Variants in OGDHL observed in about 807,000 individuals in gnomAD.
OGDHL encodes oxoglutarate dehydrogenase L, also known as 2-oxoglutarate dehydrogenase-like, mitochondrial.
A neutral mutation model predicts 109.6 loss-of-function variants in OGDHL; 79 were observed. That is an observed-to-expected ratio of 0.72 (90% CI 0.60 to 0.87). OGDHL has a LOEUF of 0.87. Ranked by LOEUF, OGDHL falls within the 40% of genes least tolerant of loss-of-function variation. OGDHL has a pLI of 0.00. For missense variants in OGDHL, 1,275 were observed against 1,362.2 expected, an observed-to-expected ratio of 0.94 and a Z score of 1.01; for synonymous variants, 528 against 537.2, an observed-to-expected ratio of 0.98 and a Z score of 0.24.
rs1564528286 is a variant in OGDHL, at chr10:49,740,793, G to GT, written c.2056dup (p.Thr686AsnfsTer11). The GT allele has an allele frequency of 6.2e-7, 1 of 1,613,932 alleles. No individual in the cohort carries two copies. Among genetic ancestry groups the GT allele is most frequent in the Non-Finnish European group, 8.5e-7 (1 of 1,179,848 alleles). ...CCAGAGATGATTCATAGGCACACAC[G>GT]TCCTGCGGTCAACCTCCTGGTCATG... On this transcript the variant is annotated frameshift_variant, in exon 16 of 23. Transcript: ENST00000374103. LOFTEE classifies it high-confidence loss of function.
rs1255963418 is a variant in OGDHL at position 49,752,727 on chromosome 10, T to A, written c.389A>T (p.His130Leu). The change falls in exon 4 of 23, where the codon CAT becomes CTT. Residue 130 changes from histidine to leucine, a missense_variant. Coordinates refer to ENST00000374103, the MANE Select transcript of OGDHL (RefSeq NM_018245.3). ...GCCCAGGGGGTCCAGCTGGGCCACA[T>A]GGTGACCCCGGATCTGGGAGGAGGG... ...LIRAYQIRGH[H>L]VAQLDPLGIL... The A allele has an allele frequency of 6.8e-6, 11 of 1,613,796 alleles. No individual in the cohort carries two copies. The highest frequency in any genetic ancestry group is 9.3e-6 in the Non-Finnish European group (11 of 1,179,736).
At chr10:49,748,481 G>A (rs993805287) in intron 8 of OGDHL, among the ~76,000 whole-genome samples, 2 of 152,114 alleles carry the variant, frequency 1.3e-5, no homozygotes, top group African/African-American at 2.4e-5. Flanking sequence ...CATTGTATAA[G>A]CTTTGTTCTG....
chr10:49,749,876 C>T (rs540667261), intron 7 of OGDHL, 60 bp from the exon 8 acceptor site: 6 of 1,460,934 alleles, frequency 4.1e-6, no homozygotes, highest in East Asian at 4.9e-5. Flanking sequence ...GGGTTCCCTC[C>T]CCCACTGTGG....
At position 49,745,943 on chromosome 10, in the gene OGDHL, G is replaced by A; in HGVS notation, c.1331C>T (p.Ser444Phe). The A allele has an allele frequency of 6.2e-7, 1 of 1,614,218 alleles. No individual in the cohort carries two copies. Among genetic ancestry groups the A allele is most frequent in the Non-Finnish European group, 8.5e-7 (1 of 1,180,044 alleles). ...GFTTDPRMAR[S>F]SPYPTDVARV... ...GGCCACGTCGGTCGGGTATGGTGAGGAGCGGGCCATTCGGGGGTCTGTGGT... is the reference window on the plus strand; with the variant it reads ...GGCCACGTCGGTCGGGTATGGTGAGAAGCGGGCCATTCGGGGGTCTGTGGT... Residue 444 changes from serine to phenylalanine, a missense_variant, in exon 11 of 23, where the codon TCC becomes TTC. By Grantham distance (155) the Ser-to-Phe change is radical. Coordinates refer to ENST00000374103, the MANE Select transcript of OGDHL (RefSeq NM_018245.3).
intron 8 of OGDHL, among the ~76,000 whole-genome samples, chr10:49,748,742 CCACACACACACACACA>C (rs3223401): frequency 2.6e-4 from 35 of 133,950 alleles, no homozygotes; most frequent in African/African-American, 8.0e-4. Flanking sequence ...AGGTATGGGT[CCACACACACACACACA>C]CACACACACA....
chr10:49,750,734 C>T (rs1002670926), intron 7 of OGDHL, 105 bp downstream of exon 7: 1 of 1,408,798 alleles, frequency 7.1e-7, no homozygotes, highest in East Asian at 2.6e-5. Flanking sequence ...ACCTCTACCC[C>T]CAGGTCCCAC....
At chr10:49,746,015 T>C (rs772302842) in intron 10 of OGDHL, 38 bp from the exon 11 acceptor site, 2 of 1,605,332 alleles carry the variant, frequency 1.2e-6, no homozygotes, top group South Asian at 2.2e-5. Context: ...CCTCTCAATT[T>C]ACTTAGAGTG....
rs571843299 is a variant in OGDHL, at chr10:49,758,667, C to T, written c.-1-74G>A. ...GAAGAGGCTCTACCAAGCCACTGTC[C>T]GCTCATCAGCACTTGTCATTCCCAC... On this transcript the variant is annotated intron_variant, in intron 1 of 22. Transcript: ENST00000374103. 4.4e-5 allele frequency: 64 copies of T among 1,441,076 alleles called. No homozygotes were observed. The East Asian group carries it at 1.3e-3, about 29-fold the overall frequency. 89.3% of individuals were successfully genotyped at this position (1,441,076 alleles called of 1,614,324 possible). A position where few individuals can be genotyped will look rare whatever the true frequency, so the allele number is the denominator to read the frequency against.
At chr10:49,758,220 T>C (rs917244474) in intron 2 of OGDHL, among the ~76,000 whole-genome samples, 169 bp downstream of exon 2, 1 of 152,194 alleles carries the variant, frequency 6.6e-6, no homozygotes, top group Non-Finnish European at 1.5e-5. Context: ...CACTGGCTGA[T>C]TCAGCAAAGG....
At chr10:49,742,094 A>AC (rs1409414068) in intron 15 of OGDHL, among the ~76,000 whole-genome samples, 2 of 53,824 alleles carry the variant, frequency 3.7e-5, no homozygotes, top group Non-Finnish European at 7.6e-5. Flanking sequence ...ATACCACACA[A>AC]ACACCCTCAC....
intron 2 of OGDHL, 77 bp from the exon 3 acceptor site, chr10:49,757,023 A>G (rs2133098312): frequency 1.4e-6 from 2 of 1,459,936 alleles, no homozygotes; most frequent in South Asian, 1.3e-5. Flanking sequence ...TGGGGCCCCA[A>G]GGAGTGTCAG....
At chr10:49,738,148 C>T in intron 18 of OGDHL, 43 bp downstream of exon 18, 1 of 1,614,122 alleles carries the variant, frequency 6.2e-7, no homozygotes, top group African/African-American at 1.3e-5. Context: ...CCTGTGGGCA[C>T]AATAGGGCGC....
At chr10:49,748,742 CCACACACACACACACACACACACA>C (rs3223401) in intron 8 of OGDHL, among the ~76,000 whole-genome samples, 1 of 133,884 alleles carries the variant, frequency 7.5e-6, no homozygotes, top group Admixed American at 7.6e-5. Context: ...AGGTATGGGT[CCACACACACACACACACACACACA>C]CACACACACA....
In OGDHL at chr10:49,747,185, G is replaced by A; in HGVS notation, c.1011C>T (p.His337=). The change falls in exon 9 of 23, where the codon CAC becomes CAT. Residue 337 remains histidine (H), a synonymous_variant. Coordinates refer to ENST00000374103, the MANE Select transcript of OGDHL (RefSeq NM_018245.3). ...ADEGSGDVKY[H]LGMYHERINR... is the part of the protein sequence containing the mutation. ...TGATCCTCTCATGGTACATGCCCAGGTGGTACTTGACATCCCCGGAGCCCT... is the reference window on the plus strand; with the variant it reads ...TGATCCTCTCATGGTACATGCCCAGATGGTACTTGACATCCCCGGAGCCCT... 1.2e-6 allele frequency: 2 copies of A among 1,614,158 alleles called. No individual in the cohort carries two copies. Among genetic ancestry groups the A allele is most frequent in the Middle Eastern group, 1.6e-4 (1 of 6,062 alleles).
In OGDHL at chr10:49,745,414, T is replaced by C. The variant is rs1377023806; in HGVS notation, c.1559A>G (p.Gln520Arg). Residue 520 changes from glutamine (Q) to arginine (R), a missense_variant, in exon 12 of 23, where the codon CAG (glutamine) becomes CGG (arginine). Physicochemically the swap from Gln to Arg is conservative, Grantham distance 43 (BLOSUM62 1). Coordinates refer to ENST00000374103, the MANE Select transcript of OGDHL (RefSeq NM_018245.3). ...QPLMYKQIHR[Q>R]VPVLKKYADK... ...TGCGTACTTCTTCAGCACAGGCACC[T>C]GTCTGTGGATCTGCTTGTACATGAG... The C allele has an allele frequency of 2.5e-6, 4 of 1,614,180 alleles. No homozygotes were observed. The East Asian group carries it at 6.7e-5, about 27-fold the overall frequency.
At position 49,735,915 on chromosome 10, in the gene OGDHL, C is replaced by T. The variant is rs962733704; in HGVS notation, c.2909+108G>A. 7 of 1,263,488 alleles carry T rather than the reference C, an allele frequency of 5.5e-6. No individual in the cohort carries two copies. In the South Asian group the frequency reaches 1.3e-4, roughly 23 times the overall value. The allele number at this position is 1,263,488 out of a possible 1,614,324, so 78.3% of individuals were successfully genotyped here. ...GATGATGCCCCATCATTGCTCATCA[C>T]CAGAGAAGGGCAGGGCCAGTTCTGG... On this transcript the variant is annotated intron_variant, in intron 22 of 22. Coordinates refer to ENST00000374103, the MANE Select transcript of OGDHL (RefSeq NM_018245.3).
chr10:49,748,742 CCACACACACACACACACACACA>C (rs3223401), intron 8 of OGDHL, among the ~76,000 whole-genome samples: 2 of 133,954 alleles, frequency 1.5e-5, no homozygotes, highest in South Asian at 2.6e-4. Context: ...AGGTATGGGT[CCACACACACACACACACACACA>C]CACACACACA....
chr10:49,756,237 C>CAA (rs1319137226), intron 3 of OGDHL, among the ~76,000 whole-genome samples: 1 of 152,192 alleles, frequency 6.6e-6, no homozygotes, highest in East Asian at 1.9e-4. Flanking sequence ...TCCAATTAGT[C>CAA]CTGTCTGGTC....
At chr10:49,755,726 T>G (rs564278641) in intron 3 of OGDHL, among the ~76,000 whole-genome samples, 2 of 152,308 alleles carry the variant, frequency 1.3e-5, no homozygotes, top group Admixed American at 6.5e-5. Context: ...TAATGCCTCG[T>G]CTTGGTTAAT....
Sources: allele counts gnomAD v4.1 joint callset (sites outside exome capture counted in the v4.1 genomes callset), GRCh38; gene constraint gnomAD v4.1.1; transcripts MANE v1.5; gene names NCBI Gene and HGNC (gene_info 2026-07-23, HGNC 2026-07-21).